EYA2: variants seen among roughly 807,000 people sequenced by gnomAD.
EYA2 encodes protein phosphatase EYA2.
EYA2 carries 31 observed loss-of-function variants against 69.2 expected under a neutral mutation model. The ratio of observed to expected loss-of-function variants is 0.45; its 90% CI spans 0.34 to 0.60. The LOEUF (loss-of-function observed/expected upper bound fraction) is 0.60. EYA2 is among the 20% of genes least tolerant of loss of function. EYA2 has a pLI of 0.02. For synonymous variants in EYA2, 257 were observed against 279.4 expected (o/e 0.92, Z 0.80); for missense variants, 622 against 701.2 (o/e 0.89, Z 1.28).
At chr20:47,096,351 C>T (rs2032246638) in intron 8 of EYA2, among the ~76,000 whole-genome samples, 1 of 152,116 alleles carries the variant, frequency 6.6e-6, no homozygotes, top group South Asian at 2.1e-4. Flanking sequence ...AAAATTTAAC[C>T]TTAGTTATAA....
chr20:46,929,173 GAAGAA>G (rs1985551956), intron 1 of EYA2, among the ~76,000 whole-genome samples: 1 of 130,832 alleles, frequency 7.6e-6, no homozygotes, highest in Non-Finnish European at 1.6e-5. Context: ...AAAAAAAAAA[GAAGAA>G]AAGAAAATTC....
intron 10 of EYA2, among the ~76,000 whole-genome samples, chr20:47,157,490 A>G (rs2033977766): frequency 6.6e-6 from 1 of 151,928 alleles, no homozygotes; most frequent in South Asian, 2.1e-4. Flanking sequence ...AATAATTGGA[A>G]AGACCGTTAA....
chr20:47,066,293 C>G (rs2031105604), intron 5 of EYA2, among the ~76,000 whole-genome samples: 1 of 151,998 alleles, frequency 6.6e-6, no homozygotes, highest in Non-Finnish European at 1.5e-5. Context: ...GATCATGCCA[C>G]TGCACTCCAG....
intron 1 of EYA2, among the ~76,000 whole-genome samples, chr20:46,903,496 C>T (rs56107868): frequency 6.6e-6 from 1 of 152,176 alleles, no homozygotes; most frequent in Non-Finnish European, 1.5e-5. Context: ...AAACCTCAGC[C>T]TGGGTACTGA....
At chr20:46,995,576 G>C (rs1981963445) in intron 2 of EYA2, among the ~76,000 whole-genome samples, 1 of 152,190 alleles carries the variant, frequency 6.6e-6, no homozygotes, top group Admixed American at 6.5e-5. Context: ...ACACAAGGAA[G>C]ATGAACTGAT....
chr20:47,144,766 A>T (rs1377848356), intron 10 of EYA2, among the ~76,000 whole-genome samples: 1 of 152,250 alleles, frequency 6.6e-6, no homozygotes, highest in African/African-American at 2.4e-5. Context: ...AGAGCTTTGG[A>T]GCAATGGAGA....
At chr20:47,012,984 C>T (rs6066160) in intron 4 of EYA2, among the ~76,000 whole-genome samples, 78,405 of 152,124 alleles carry the variant, frequency 0.52, 21,160 homozygotes, top group Non-Finnish European at 0.6. Flanking sequence ...GGCCCTCGTG[C>T]GCCTTTGCCA....
At position 47,001,392 on chromosome 20, in the gene EYA2, G is replaced by A. The variant is rs777916553; in HGVS notation, c.110-36G>A. On this transcript the variant is annotated intron_variant, in intron 2 of 15. Transcript: ENST00000327619. ...ACCTCTGCAGAACATCACCCTAATC[G>A]CTAAAACTCTTCCAATTTTTCTTTT... 1.9e-5 allele frequency: 30 copies of A among 1,604,160 alleles called. No individual in the cohort carries two copies. In the African/African-American group the frequency reaches 2.9e-4, roughly 16 times the overall value.
rs561853104 is a variant in EYA2, at chr20:46,969,573, CTTG to C, written c.-10-20416_-10-20414del. On this transcript the variant is annotated intron_variant, in intron 1 of 15. Coordinates refer to ENST00000327619, the MANE Select transcript of EYA2 (RefSeq NM_005244.5). ...TGTTTTTGTTTGTTTACTTATGTGTCTTGTTGTTGTTGTTTTTTATTTGTTTTT... is the reference window on the plus strand; with the variant it reads ...TGTTTTTGTTTGTTTACTTATGTGTCTTGTTGTTGTTTTTTATTTGTTTTT... 5.1e-4 allele frequency among the ~76,000 whole-genome samples: 77 copies of C among 152,064 alleles called. 1 individual carries two copies. In the South Asian group the frequency reaches 0.011, roughly 23 times the overall value.
intron 5 of EYA2, among the ~76,000 whole-genome samples, chr20:47,017,076 G>T (rs910150815): frequency 2.0e-5 from 3 of 152,134 alleles, no homozygotes; most frequent in Non-Finnish European, 4.4e-5. Context: ...CCACCCACCT[G>T]CCATAAGGAA....
intron 5 of EYA2, among the ~76,000 whole-genome samples, chr20:47,065,204 T>C (rs189906991): frequency 1.3e-5 from 2 of 152,278 alleles, no homozygotes; most frequent in Non-Finnish European, 2.9e-5. Flanking sequence ...CAATTCAAGA[T>C]GAGATTTGGG....
intron 5 of EYA2, among the ~76,000 whole-genome samples, chr20:47,058,879 A>C (rs2030754919): frequency 6.6e-6 from 1 of 152,202 alleles, no homozygotes; most frequent in Admixed American, 6.5e-5. Flanking sequence ...AGACATGCCC[A>C]CGGCAACATG....
chr20:47,108,368 C>T (rs1349514543), intron 9 of EYA2, among the ~76,000 whole-genome samples: 3 of 152,176 alleles, frequency 2.0e-5, no homozygotes, highest in Admixed American at 6.5e-5. Context: ...CACATGCTGG[C>T]TCCCCTTTGC....
intron 1 of EYA2, among the ~76,000 whole-genome samples, chr20:46,962,817 G>A (rs1037063603): frequency 9.2e-5 from 14 of 152,202 alleles, no homozygotes; most frequent in African/African-American, 3.4e-4. Flanking sequence ...CTGCTTCAGT[G>A]CACAGCTGGA....
intron 5 of EYA2, among the ~76,000 whole-genome samples, chr20:47,069,590 C>T (rs1236288188): frequency 6.6e-6 from 1 of 152,150 alleles, no homozygotes; most frequent in Non-Finnish European, 1.5e-5. Context: ...AATAAACCTT[C>T]TCATTTATGG....
intron 2 of EYA2, among the ~76,000 whole-genome samples, chr20:46,992,732 C>T (rs1981759779): frequency 1.3e-5 from 2 of 152,100 alleles, no homozygotes; most frequent in African/African-American, 2.4e-5. Flanking sequence ...AGGGTGGAAG[C>T]GATGAGGCAG....
chr20:47,154,248 C>A lies in EYA2; in HGVS notation c.978+11100C>A, dbSNP rs144671263. Among the ~76,000 whole-genome samples, 387 of 152,116 alleles carry A rather than the reference C, an allele frequency of 2.5e-3. 4 individuals carry two copies. The highest frequency in any genetic ancestry group is 2.6e-3 in the Non-Finnish European group (179 of 68,032). Reference sequence around the variant, plus strand: ...AGAGAGAGCCAGAGAGAGAAAACAGCTGTCTGGTGTCTCCTCTAACAAGGA... The same window carrying A: ...AGAGAGAGCCAGAGAGAGAAAACAGATGTCTGGTGTCTCCTCTAACAAGGA... On this transcript the variant is annotated intron_variant, in intron 10 of 15. Coordinates refer to ENST00000327619, the MANE Select transcript of EYA2 (RefSeq NM_005244.5).
At chr20:46,968,744 T>C (rs1979944407) in intron 1 of EYA2, among the ~76,000 whole-genome samples, 2 of 152,006 alleles carry the variant, frequency 1.3e-5, no homozygotes, top group African/African-American at 4.8e-5. Context: ...TATCCAGACA[T>C]TGCCAGGTGT....
chr20:46,897,876 TG>T (rs1210771455), intron 1 of EYA2, among the ~76,000 whole-genome samples: 5 of 152,052 alleles, frequency 3.3e-5, no homozygotes, highest in African/African-American at 1.2e-4. Flanking sequence ...CAAAGATGCT[TG>T]GGGGAGAATC....
Sources: gnomAD v4.1 joint callset for allele counts (sites outside exome capture counted in the v4.1 genomes callset) on GRCh38, gnomAD v4.1.1 for gene constraint, MANE v1.5 for transcripts, NCBI Gene and HGNC (gene_info 2026-07-23, HGNC 2026-07-21) for gene names.